Variants in DLGAP1 observed in about 807,000 individuals in gnomAD.
The protein encoded by DLGAP1 is disks large-associated protein 1.
A neutral mutation model predicts 90.8 loss-of-function variants in DLGAP1; 11 were observed. The ratio of observed to expected loss-of-function variants is 0.12; its 90% confidence interval spans 0.08 to 0.20. The LOEUF is 0.20. Ranked by LOEUF, DLGAP1 falls within the 10% of genes least tolerant of loss-of-function variation. DLGAP1 has a pLI of 1.00. For missense variants in DLGAP1, 1,050 were observed against 1,333.8 expected, an observed-to-expected ratio of 0.79 and a Z score of 3.31; for synonymous variants, 558 against 540.7, an observed-to-expected ratio of 1.03 and a Z score of -0.44.
At chr18:4,041,674 C>T (rs1004911452) in intron 2 of DLGAP1, among the ~76,000 whole-genome samples, 2 of 152,206 alleles carry the variant, frequency 1.3e-5, no homozygotes, top group Middle Eastern at 3.2e-3. Flanking sequence ...CAATATCCCA[C>T]CCTTGCCCCT....
At chr18:3,860,192 G>A (rs754604276) in intron 4 of DLGAP1, among the ~76,000 whole-genome samples, 14 of 152,190 alleles carry the variant, frequency 9.2e-5, no homozygotes, top group Admixed American at 5.9e-4. Flanking sequence ...TACAGATGCT[G>A]AAGGGTTTCA....
intron 8 of DLGAP1, among the ~76,000 whole-genome samples, chr18:3,570,649 C>T (rs1292790973): frequency 6.6e-6 from 1 of 151,812 alleles, no homozygotes; most frequent in Non-Finnish European, 1.5e-5. Flanking sequence ...TATAATTAGG[C>T]TAGGTGAGGT....
chr18:3,522,000 A>G (rs2051223238), intron 10 of DLGAP1, among the ~76,000 whole-genome samples: 1 of 152,108 alleles, frequency 6.6e-6, no homozygotes, highest in African/African-American at 2.4e-5. Flanking sequence ...TTTGTCATGC[A>G]ATAGTTGTAG....
chr18:4,077,734 T>A (rs180879894), intron 2 of DLGAP1, among the ~76,000 whole-genome samples: 1 of 152,170 alleles, frequency 6.6e-6, no homozygotes, highest in Admixed American at 6.5e-5. Flanking sequence ...TAAAATAAAC[T>A]GTTTTAAAAA....
chr18:4,441,645 A>G (rs1398695139), intron 1 of DLGAP1, among the ~76,000 whole-genome samples: 2 of 152,238 alleles, frequency 1.3e-5, no homozygotes, highest in Non-Finnish European at 2.9e-5. Context: ...ACGTATGGCA[A>G]CAGTAGGAAA....
intron 4 of DLGAP1, among the ~76,000 whole-genome samples, chr18:3,826,485 T>C (rs757793474): frequency 3.9e-5 from 6 of 152,196 alleles, no homozygotes; most frequent in Non-Finnish European, 8.8e-5. Flanking sequence ...ACCGACTGAC[T>C]GGAGTCAGGG....
At chr18:3,955,722 A>G (rs1437413878) in intron 3 of DLGAP1, among the ~76,000 whole-genome samples, 2 of 152,182 alleles carry the variant, frequency 1.3e-5, no homozygotes, top group African/African-American at 4.8e-5. Flanking sequence ...CTCAAAAAAA[A>G]AAAAAAGTTA....
intron 7 of DLGAP1, among the ~76,000 whole-genome samples, chr18:3,583,176 A>ACCTT (rs1198815501): frequency 2.9e-4 from 38 of 132,038 alleles, no homozygotes; most frequent in African/African-American, 1.2e-3. Context: ...CTACCTACCT[A>ACCTT]CCTACCTACC....
chr18:4,312,608 T>C (rs2080428434), intron 1 of DLGAP1, among the ~76,000 whole-genome samples: 1 of 152,216 alleles, frequency 6.6e-6, no homozygotes, highest in African/African-American at 2.4e-5. Context: ...ATGAGGGGCA[T>C]CTGTACTTCA....
intron 7 of DLGAP1, among the ~76,000 whole-genome samples, chr18:3,600,112 A>C (rs1049781702): frequency 6.6e-6 from 1 of 152,154 alleles, no homozygotes; most frequent in Non-Finnish European, 1.5e-5. Context: ...TTGTAAAGAC[A>C]GGGTCTCACT....
At chr18:3,833,771 A>G (rs1196357900) in intron 4 of DLGAP1, among the ~76,000 whole-genome samples, 2 of 152,166 alleles carry the variant, frequency 1.3e-5, no homozygotes, top group Admixed American at 1.3e-4. Flanking sequence ...CTGAATGATA[A>G]ATTTACCTGA....
rs146191873 is a variant in DLGAP1, at chr18:4,058,940, A to C, written c.-158-53739T>G. On this transcript the variant is annotated intron_variant, in intron 2 of 12. Coordinates refer to ENST00000315677, the MANE Select transcript of DLGAP1 (RefSeq NM_004746.4). ...AGTGAGAGTCACCATAAGGTCATGG[A>C]GACAAGGACATAGGCTGGCCCAAGG... Among the ~76,000 whole-genome samples the C allele has an allele frequency of 4.5e-3, 685 of 152,368 alleles. 4 individuals are homozygous for C. Among genetic ancestry groups the C allele is most frequent in the African/African-American group, 0.016 (658 of 41,592 alleles).
chr18:4,050,631 ATATTTT>A (rs2075120528), intron 2 of DLGAP1, among the ~76,000 whole-genome samples: 1 of 152,346 alleles, frequency 6.6e-6, no homozygotes, highest in South Asian at 2.1e-4. Flanking sequence ...ATTGCCATCT[ATATTTT>A]TAAACAGGTT....
chr18:4,331,915 C>T (rs755329085), intron 1 of DLGAP1, among the ~76,000 whole-genome samples: 2 of 151,888 alleles, frequency 1.3e-5, no homozygotes, highest in Admixed American at 6.6e-5. Flanking sequence ...ATGTCAGACA[C>T]TAAGCTTCAT....
chr18:3,941,210 C>T (rs1387748037), intron 3 of DLGAP1, among the ~76,000 whole-genome samples: 1 of 152,196 alleles, frequency 6.6e-6, no homozygotes, highest in East Asian at 1.9e-4. Context: ...GAGGTACAAA[C>T]ACTTACCTTT....
At position 3,879,847 on chromosome 18, in the gene DLGAP1, G is replaced by A. The variant is rs368919875; in HGVS notation, c.222C>T (p.His74=). The A allele has an allele frequency of 1.9e-6, 3 of 1,609,824 alleles. No homozygotes were observed. In the African/African-American group the frequency reaches 4.0e-5, roughly 21 times the overall value. ...CCTTCAGCTCTTGCTGCGAGGTGTA[G>A]TGCCTGCGGGGGAAGGTGCTGCTGG... ...PLASSTFPRR[H]YTSQQELKDE... is the part of the protein sequence containing the mutation. The change falls in exon 4 of 13, where the codon CAC becomes CAT. Residue 74 remains histidine, a synonymous_variant. Transcript: ENST00000315677. The surrounding 1 kb of genome is among the most constrained non-coding windows in gnomAD (Gnocchi z 6.6).
chr18:3,620,233 G>T (rs554968662), intron 7 of DLGAP1, among the ~76,000 whole-genome samples: 17 of 152,242 alleles, frequency 1.1e-4, no homozygotes, highest in African/African-American at 4.1e-4. Flanking sequence ...GGGCAGAAGT[G>T]TGTGTGTGCG....
At chr18:4,080,827 C>T (rs2075595364) in intron 2 of DLGAP1, among the ~76,000 whole-genome samples, 1 of 152,044 alleles carries the variant, frequency 6.6e-6, no homozygotes, top group Non-Finnish European at 1.5e-5. Context: ...AGCTTCTGAG[C>T]CCCATGAGGG....
intron 4 of DLGAP1, among the ~76,000 whole-genome samples, chr18:3,818,846 G>A (rs933974049): frequency 1.3e-5 from 2 of 151,094 alleles, no homozygotes; most frequent in African/African-American, 4.9e-5. Flanking sequence ...TGCCTGCCTC[G>A]GCCTCCCAAA....
Sources: allele counts gnomAD v4.1 joint callset (sites outside exome capture counted in the v4.1 genomes callset), GRCh38; gene constraint gnomAD v4.1.1; non-coding constraint Gnocchi (gnomAD v3.1); transcripts MANE v1.5; gene names NCBI Gene and HGNC (gene_info 2026-07-23, HGNC 2026-07-21).